The following AJAP1 variants were observed in gnomAD, a reference collection of about 807,000 sequenced individuals.
AJAP1 encodes adherens junction-associated protein 1.
In AJAP1, 5 loss-of-function variants were observed where a neutral mutation model predicts 35.0. The ratio of observed to expected loss-of-function variants is 0.14; its 90% confidence interval spans 0.07 to 0.30. AJAP1 has a LOEUF of 0.30. Among genes scored for constraint, AJAP1 ranks in the 10% least tolerant of loss-of-function variants. The probability of loss-of-function intolerance (pLI) is 1.00; values close to 1 mark genes in which losing one functional copy is unlikely to be tolerated. For missense variants in AJAP1, 586 were observed against 571.0 expected, an observed-to-expected ratio of 1.03 and a Z score of -0.27; for synonymous variants, 284 against 249.3, an observed-to-expected ratio of 1.14 and a Z score of -1.31.
In AJAP1 at chr1:4,734,713, A is replaced by C. The variant is rs1383366377; in HGVS notation, c.829+22014A>C. Among the ~76,000 whole-genome samples, 1 of 152,080 alleles carries C rather than the reference A, an allele frequency of 6.6e-6. No individual in the cohort carries two copies. Among genetic ancestry groups the C allele is most frequent in the African/African-American group, 2.4e-5 (1 of 41,398 alleles). On this transcript the variant is annotated intron_variant, in intron 2 of 5. Coordinates refer to ENST00000378191, the MANE Select transcript of AJAP1 (RefSeq NM_018836.4). This position sits in a 1 kb window ranked among gnomAD's most constrained non-coding sequence, Gnocchi z 4.3. ...TGGGCGATGCTGAATATGATGCATG[A>C]TCTGTCTTTCGGGTGTTCTTGGAAG...
intron 2 of AJAP1, among the ~76,000 whole-genome samples, chr1:4,760,847 T>C (rs914317030): frequency 6.6e-6 from 1 of 152,224 alleles, no homozygotes; most frequent in Non-Finnish European, 1.5e-5. Flanking sequence ...TGTGCCCCCC[T>C]ACAGTCATGC....
At chr1:4,767,347 A>G (rs530999706) in intron 2 of AJAP1, among the ~76,000 whole-genome samples, 2,778 of 152,022 alleles carry the variant, frequency 0.018, 41 homozygotes, top group Non-Finnish European at 0.028. Context: ...CATCACCATC[A>G]TTATCACCAT....
At chr1:4,764,168 A>G (rs1403059380) in intron 2 of AJAP1, among the ~76,000 whole-genome samples, 1 of 152,242 alleles carries the variant, frequency 6.6e-6, no homozygotes, top group East Asian at 1.9e-4. Context: ...ATCTCTTCTT[A>G]TAGATCTCTC....
Position 4,787,701 on chromosome 1 carries a change from T to G in AJAP1, c.*5216T>G, listed in dbSNP as rs1417264435. 8 of 456,026 alleles carry G rather than the reference T, an allele frequency of 1.8e-5. No homozygotes were observed. Among genetic ancestry groups the G allele is most frequent in the Non-Finnish European group, 3.5e-5 (8 of 226,926 alleles). The allele number at this position is 456,026 out of a possible 1,614,324, so 28.2% of individuals were successfully genotyped here. A position where few individuals can be genotyped will look rare whatever the true frequency, so the allele number is the denominator to read the frequency against. On this transcript the variant is annotated 3_prime_UTR_variant, in exon 6 of 6. Transcript: ENST00000378191. ...CAGCCCCTCCCATGTTGGTCCCATC[T>G]GTCAGGTTGCCAGGCCAAGCAGGTC...
chr1:4,695,718 G>A (rs1639844253), intron 1 of AJAP1, among the ~76,000 whole-genome samples: 1 of 152,174 alleles, frequency 6.6e-6, no homozygotes, highest in Admixed American at 6.5e-5. Flanking sequence ...TCTTGGCTCT[G>A]TGTGTCTGTT....
intron 2 of AJAP1, 75 bp from the exon 3 acceptor site, chr1:4,769,778 T>C (rs1333968600): frequency 7.5e-7 from 1 of 1,326,998 alleles, no homozygotes; most frequent in Non-Finnish European, 1.1e-6. Context: ...GGGATGCACC[T>C]CCACCTTTCC....
At chr1:4,758,861 C>T (rs371877828) in intron 2 of AJAP1, among the ~76,000 whole-genome samples, 38 of 152,334 alleles carry the variant, frequency 2.5e-4, no homozygotes, top group South Asian at 4.1e-4. Context: ...GAGTCCCAGA[C>T]GCTGCTCTTC....
intron 2 of AJAP1, among the ~76,000 whole-genome samples, chr1:4,727,663 T>C (rs1640698200): frequency 6.6e-6 from 1 of 152,202 alleles, no homozygotes. Flanking sequence ...CTCTGTGGAA[T>C]CCCTTCCCCT....
intron 2 of AJAP1, among the ~76,000 whole-genome samples, chr1:4,763,815 T>TC (rs1294199879): frequency 2.4e-5 from 3 of 124,080 alleles, no homozygotes; most frequent in Non-Finnish European, 5.0e-5. Context: ...TTTCTCCCTC[T>TC]CCCCCTCCCC....
rs1269029848 is a variant in AJAP1 at position 4,692,332 on chromosome 1, C to A, written c.30-19568C>A. ...TGCTCTCCTCTCTCCGTCTCTGGGC[C>A]CCTCATGCAGCCCTTTCCCTTCTGG... On this transcript the variant is annotated intron_variant, in intron 1 of 5. Transcript: ENST00000378191. The surrounding 1 kb of genome is among the most constrained non-coding windows in gnomAD (Gnocchi z 4.4). 1.3e-5 allele frequency among the ~76,000 whole-genome samples: 2 copies of A among 152,122 alleles called. No individual in the cohort carries two copies. The highest frequency in any genetic ancestry group is 4.8e-5 in the African/African-American group (2 of 41,426).
intron 1 of AJAP1, among the ~76,000 whole-genome samples, chr1:4,699,376 A>G (rs1639937319): frequency 6.6e-6 from 1 of 152,244 alleles, no homozygotes; most frequent in Non-Finnish European, 1.5e-5. Flanking sequence ...GTTGGCTTCA[A>G]AAGCGCCTGG....
chr1:4,747,979 C>T (rs1314674030), intron 2 of AJAP1, among the ~76,000 whole-genome samples: 1 of 143,318 alleles, frequency 7.0e-6, no homozygotes, highest in Admixed American at 7.1e-5. Flanking sequence ...GTGACAGAGC[C>T]AGACTCTGTC....
At chr1:4,717,725 A>G (rs1216016199) in intron 2 of AJAP1, among the ~76,000 whole-genome samples, 4 of 152,176 alleles carry the variant, frequency 2.6e-5, no homozygotes, top group East Asian at 3.9e-4. Context: ...CTAAGCATCA[A>G]TGCAAGCCAG....
At chr1:4,677,800 T>C (rs1158659933) in intron 1 of AJAP1, among the ~76,000 whole-genome samples, 1 of 152,180 alleles carries the variant, frequency 6.6e-6, no homozygotes, top group Non-Finnish European at 1.5e-5. Context: ...TAGCTAAATA[T>C]ATCTCATAGG....
intron 1 of AJAP1, among the ~76,000 whole-genome samples, chr1:4,668,007 G>C (rs563315664): frequency 1.3e-5 from 2 of 152,112 alleles, no homozygotes; most frequent in African/African-American, 4.8e-5. Context: ...TTGAGGTCAG[G>C]AGTTCAAGAC....
intron 2 of AJAP1, among the ~76,000 whole-genome samples, chr1:4,727,562 G>GT (rs1281210650): frequency 6.6e-6 from 1 of 152,190 alleles, no homozygotes; most frequent in Non-Finnish European, 1.5e-5. Flanking sequence ...CAGCAGAGGC[G>GT]TGCTGCTGGG....
intron 1 of AJAP1, among the ~76,000 whole-genome samples, chr1:4,689,459 T>C (rs932445306): frequency 6.6e-6 from 1 of 152,134 alleles, no homozygotes; most frequent in Non-Finnish European, 1.5e-5. Flanking sequence ...GGGGCGTTCC[T>C]GGCAGGATCA....
intron 1 of AJAP1, among the ~76,000 whole-genome samples, chr1:4,706,697 C>T (rs573146095): frequency 5.4e-4 from 82 of 152,244 alleles, no homozygotes; most frequent in African/African-American, 1.9e-3. Flanking sequence ...ACTCCCGGCT[C>T]GGGGAAAGGT....
intron 2 of AJAP1, among the ~76,000 whole-genome samples, chr1:4,750,810 A>G (rs575473786): frequency 1.3e-5 from 2 of 150,458 alleles, no homozygotes; most frequent in East Asian, 4.0e-4. Context: ...TTCTGAGAAG[A>G]AGGAGGAGTG....
Sources: gnomAD v4.1 joint callset for allele counts (sites outside exome capture counted in the v4.1 genomes callset) on GRCh38, gnomAD v4.1.1 for gene constraint, Gnocchi (gnomAD v3.1) non-coding constraint, MANE v1.5 for transcripts, NCBI Gene and HGNC (gene_info 2026-07-23, HGNC 2026-07-21) for gene names.